Variants in MAST4 observed in about 807,000 individuals in gnomAD.
MAST4 encodes microtubule associated serine/threonine kinase family member 4.
Under a neutral mutation model 162.7 loss-of-function variants are expected in MAST4, and 89 were observed. The ratio of observed to expected loss-of-function variants is 0.55; its 90% CI spans 0.46 to 0.65. The LOEUF (loss-of-function observed/expected upper bound fraction) is 0.65. MAST4 is among the 30% of genes least tolerant of loss of function. The probability of loss-of-function intolerance (pLI) is 0.00; values close to 1 mark genes in which losing one functional copy is unlikely to be tolerated. For synonymous variants in MAST4, 1,479 were observed against 1,361.1 expected (o/e 1.09, Z -1.91); for missense variants, 3,153 against 3,374.0 (o/e 0.93, Z 1.62).
intron 4 of MAST4, among the ~76,000 whole-genome samples, chr5:66,917,740 T>C (rs1167335432): frequency 6.6e-6 from 1 of 152,134 alleles, no homozygotes; most frequent in Non-Finnish European, 1.5e-5. Context: ...CTCTCTATTC[T>C]ACTCCTATCT....
At chr5:66,746,381 G>A (rs1752760566) in intron 1 of MAST4, among the ~76,000 whole-genome samples, 1 of 152,154 alleles carries the variant, frequency 6.6e-6, no homozygotes, top group Non-Finnish European at 1.5e-5. Flanking sequence ...TCGAACAGAG[G>A]AAGAAATGTG....
chr5:66,617,471 G>C (rs1346437534), intron 1 of MAST4, among the ~76,000 whole-genome samples: 1 of 142,658 alleles, frequency 7.0e-6, no homozygotes, highest in Non-Finnish European at 1.6e-5. Flanking sequence ...AGCAGAGAAG[G>C]GTTATTTTTT....
In MAST4 at chr5:66,767,169, ACG is replaced by A. The variant is rs1491502315; in HGVS notation, c.517+7308_517+7309del. 6.3e-5 allele frequency among the ~76,000 whole-genome samples: 5 copies of A among 79,126 alleles called. No homozygotes were observed. The East Asian group carries it at 1.9e-3, about 30-fold the overall frequency. The allele number at this position is 79,126 out of a possible 152,430, so 51.9% of individuals were successfully genotyped here. On this transcript the variant is annotated intron_variant, in intron 2 of 28. Transcript: ENST00000403625. ...ATGGTCACAGATGAATGTAAAGTGC[ACG>A]TGTGTGTGTGTGTGTGTGTGTGTGT...
chr5:66,913,544 T>C (rs1763911407), intron 4 of MAST4, among the ~76,000 whole-genome samples: 1 of 152,228 alleles, frequency 6.6e-6, no homozygotes, highest in Non-Finnish European at 1.5e-5. Flanking sequence ...TTGGGTTGTT[T>C]ATAGCTTTTG....
chr5:66,912,527 A>C (rs1763844517), intron 4 of MAST4, among the ~76,000 whole-genome samples: 1 of 152,224 alleles, frequency 6.6e-6, no homozygotes, highest in Non-Finnish European at 1.5e-5. Flanking sequence ...ACTGGAATGA[A>C]ATTAATAGAT....
At chr5:67,046,181 G>C (rs10073433) in intron 4 of MAST4, among the ~76,000 whole-genome samples, 9,211 of 152,098 alleles carry the variant, frequency 0.061, 390 homozygotes, top group Non-Finnish European at 0.091. Context: ...AGCGCGCTCT[G>C]TGATGTTTGC....
intron 4 of MAST4, among the ~76,000 whole-genome samples, chr5:66,972,329 G>T (rs1298172351): frequency 6.6e-6 from 1 of 152,132 alleles, no homozygotes; most frequent in South Asian, 2.1e-4. Flanking sequence ...TTATTTCTCT[G>T]ACAGTTTGCT....
chr5:66,890,781 A>C (rs1178015813), intron 3 of MAST4, among the ~76,000 whole-genome samples: 1 of 152,208 alleles, frequency 6.6e-6, no homozygotes, highest in South Asian at 2.1e-4. Flanking sequence ...GCAGATGTGG[A>C]TTCAAAGACA....
intron 3 of MAST4, among the ~76,000 whole-genome samples, chr5:66,835,526 A>G (rs1757905684): frequency 6.6e-6 from 1 of 152,174 alleles, no homozygotes; most frequent in Non-Finnish European, 1.5e-5. Flanking sequence ...TATTGCATTT[A>G]AAACAATAAA....
chr5:66,828,639 T>C (rs946716946), intron 3 of MAST4: 1 of 626,684 alleles, frequency 1.6e-6, no homozygotes, highest in East Asian at 2.8e-5. Context: ...CACTTGCTGC[T>C]CTCTCCCACC....
intron 4 of MAST4, among the ~76,000 whole-genome samples, chr5:67,049,060 CGTATATATATATATATAT>C (rs1757828385): frequency 9.7e-5 from 8 of 82,826 alleles, no homozygotes; most frequent in African/African-American, 3.7e-4. Flanking sequence ...TATATATATA[CGTATATATATATATATAT>C]ACACTACCAT....
At chr5:66,747,227 AG>A (rs1376732485) in intron 1 of MAST4, among the ~76,000 whole-genome samples, 1 of 150,914 alleles carries the variant, frequency 6.6e-6, no homozygotes, top group Non-Finnish European at 1.5e-5. Flanking sequence ...TTCTCTTGGA[AG>A]GGAACAGAGA....
rs566735219 is a variant in MAST4, at chr5:66,978,633, AAGG to A, written c.675-75765_675-75763del. Among the ~76,000 whole-genome samples, 273 of 152,308 alleles carry A rather than the reference AAGG, an allele frequency of 1.8e-3. 2 individuals are homozygous for A. Among genetic ancestry groups the A allele is most frequent in the Non-Finnish European group, 1.6e-3 (110 of 68,028 alleles). On this transcript the variant is annotated intron_variant, in intron 4 of 28. Transcript: ENST00000403625. ...TTTGATTCGGGGCTAAGTACATGGA[AAGG>A]AGGAGAGAAGATCACTGGGGATGAG...
At chr5:66,874,616 C>T (rs1761169755) in intron 3 of MAST4, among the ~76,000 whole-genome samples, 1 of 152,190 alleles carries the variant, frequency 6.6e-6, no homozygotes, top group South Asian at 2.1e-4. Context: ...ACAAACCAAA[C>T]TACCCAAATT....
chr5:66,647,871 T>C (rs763883524), intron 1 of MAST4, among the ~76,000 whole-genome samples: 1 of 152,158 alleles, frequency 6.6e-6, no homozygotes, highest in African/African-American at 2.4e-5. Flanking sequence ...ATTTTTTAGT[T>C]GAACTTTAGA....
At chr5:66,912,802 T>A (rs1399531759) in intron 4 of MAST4, among the ~76,000 whole-genome samples, 2 of 152,192 alleles carry the variant, frequency 1.3e-5, no homozygotes, top group Non-Finnish European at 2.9e-5. Context: ...GGTGATTGTC[T>A]TGGGAGGCAC....
At chr5:66,764,251 C>T (rs948734698) in intron 2 of MAST4, among the ~76,000 whole-genome samples, 9 of 152,184 alleles carry the variant, frequency 5.9e-5, no homozygotes, top group Non-Finnish European at 1.2e-4. Flanking sequence ...CTACCTTCTT[C>T]TTTAGACCAG....
At chr5:66,958,731 G>A (rs1745619973) in intron 4 of MAST4, 1 of 154,228 alleles carries the variant, frequency 6.5e-6, no homozygotes, top group Non-Finnish European at 1.4e-5. Flanking sequence ...GACTATGAGT[G>A]ATTTAGTTAA....
intron 4 of MAST4, among the ~76,000 whole-genome samples, chr5:67,049,025 A>G (rs983928519): frequency 1.9e-3 from 129 of 68,996 alleles, no homozygotes; most frequent in South Asian, 3.7e-3. Flanking sequence ...ATATATACGT[A>G]TATATATATA....
Sources: allele counts gnomAD v4.1 joint callset (sites outside exome capture counted in the v4.1 genomes callset), GRCh38; gene constraint gnomAD v4.1.1; transcripts MANE v1.5; gene names NCBI Gene and HGNC (gene_info 2026-07-23, HGNC 2026-07-21).